The following YEATS2 variants were observed in gnomAD, a reference collection of about 807,000 sequenced individuals.
YEATS2 encodes the protein YEATS domain-containing protein 2.
A neutral mutation model predicts 163.2 loss-of-function variants in YEATS2; 77 were observed. The ratio of observed to expected loss-of-function variants is 0.47; its 90% CI spans 0.39 to 0.57. The LOEUF is 0.57. YEATS2 is among the 20% of genes least tolerant of loss of function. The pLI, the probability that YEATS2 is intolerant of heterozygous loss-of-function variation, is 0.00. For missense variants in YEATS2, 1,549 were observed against 1,729.8 expected, an observed-to-expected ratio of 0.90 and a Z score of 1.85; for synonymous variants, 631 against 645.1, an observed-to-expected ratio of 0.98 and a Z score of 0.33.
intron 15 of YEATS2, among the ~76,000 whole-genome samples, chr3:183,765,302 G>C (rs1053553449): frequency 5.3e-5 from 8 of 152,292 alleles, no homozygotes; most frequent in African/African-American, 1.4e-4. Context: ...GTTTATGTTA[G>C]AAGCTCTTGG....
chr3:183,716,361 C>CA (rs1360062883), intron 2 of YEATS2, among the ~76,000 whole-genome samples: 1 of 152,150 alleles, frequency 6.6e-6, no homozygotes, highest in African/African-American at 2.4e-5. Context: ...AAGAAGGCGT[C>CA]AGTCATAGCT....
At chr3:183,806,512 C>T in intron 27 of YEATS2, 2 of 435,352 alleles carry the variant, frequency 4.6e-6, no homozygotes, top group Non-Finnish European at 9.0e-6. Flanking sequence ...TTATTTTCTT[C>T]ACTCTGCATT....
At chr3:183,710,696 G>T (rs1715106652) in intron 1 of YEATS2, among the ~76,000 whole-genome samples, 2 of 148,412 alleles carry the variant, frequency 1.3e-5, no homozygotes, top group South Asian at 2.2e-4. Context: ...CAAAGAGAGG[G>T]TTTTTTTTTT....
intron 1 of YEATS2, among the ~76,000 whole-genome samples, chr3:183,699,541 C>T (rs1204110612): frequency 6.6e-6 from 1 of 150,428 alleles, no homozygotes; most frequent in African/African-American, 2.5e-5. Context: ...GGAAGGACCC[C>T]GTCTCTTAAA....
At chr3:183,774,137 C>A (rs1013745597) in intron 17 of YEATS2, among the ~76,000 whole-genome samples, 8 of 152,126 alleles carry the variant, frequency 5.3e-5, no homozygotes, top group Admixed American at 2.6e-4. Context: ...AGCTGGAAGT[C>A]TGTTTTTGGG....
At chr3:183,803,739 G>A (rs1725909171) in intron 26 of YEATS2, 1 of 530,428 alleles carries the variant, frequency 1.9e-6, no homozygotes, top group Admixed American at 3.4e-5. Flanking sequence ...GGAGGGGAGT[G>A]GGAGAGCGCA....
At chr3:183,799,763 C>T (rs959154527) in intron 23 of YEATS2, among the ~76,000 whole-genome samples, 10 of 151,136 alleles carry the variant, frequency 6.6e-5, no homozygotes, top group East Asian at 3.9e-4. Flanking sequence ...GATATTGAAA[C>T]GGTCCCAGTA....
At chr3:183,749,904 AC>A (rs1303662041) in intron 9 of YEATS2, among the ~76,000 whole-genome samples, 2 of 150,112 alleles carry the variant, frequency 1.3e-5, no homozygotes, top group Non-Finnish European at 3.0e-5. Flanking sequence ...TGCAAGCTCC[AC>A]CTCCCGGGTT....
chr3:183,798,610 C>G (rs559019600), intron 22 of YEATS2, among the ~76,000 whole-genome samples: 2 of 152,210 alleles, frequency 1.3e-5, no homozygotes, highest in African/African-American at 2.4e-5. Flanking sequence ...CGCCTCAGTC[C>G]CCCAAAGTGC....
chr3:183,749,044 GC>G (rs759868618), intron 9 of YEATS2, among the ~76,000 whole-genome samples: 63 of 152,000 alleles, frequency 4.1e-4, no homozygotes, highest in Non-Finnish European at 6.8e-4. Context: ...CCGGGTTCAC[GC>G]CATTCTCCTG....
Position 183,719,276 on chromosome 3 carries a change from C to T in YEATS2, c.291+684C>T, listed in dbSNP as rs9854613. On this transcript the variant is annotated intron_variant, in intron 4 of 30. Coordinates refer to ENST00000305135, the MANE Select transcript of YEATS2 (RefSeq NM_018023.5). Reference sequence around the variant, plus strand: ...TCAGCCTCCCAAGTAGCTGGGATTACAGGCATGCGCCACCATGCCTGGCTA... The same window carrying T: ...TCAGCCTCCCAAGTAGCTGGGATTATAGGCATGCGCCACCATGCCTGGCTA... 8.9e-3 allele frequency among the ~76,000 whole-genome samples: 1,352 copies of T among 151,758 alleles called. 18 individuals carry two copies. The highest frequency in any genetic ancestry group is 0.03 in the African/African-American group (1,226 of 41,398).
At chr3:183,711,461 ACT>A (rs527849328) in intron 1 of YEATS2, among the ~76,000 whole-genome samples, 3 of 135,300 alleles carry the variant, frequency 2.2e-5, no homozygotes, top group East Asian at 2.1e-4. Flanking sequence ...AGACAGCGAG[ACT>A]CTGTCTCAAA....
intron 21 of YEATS2, among the ~76,000 whole-genome samples, chr3:183,797,525 C>T (rs1054459766): frequency 2.8e-5 from 4 of 144,370 alleles, no homozygotes; most frequent in Non-Finnish European, 4.5e-5. Context: ...TCAACCTGGG[C>T]AACAGCCTGT....
intron 21 of YEATS2, among the ~76,000 whole-genome samples, chr3:183,792,221 G>A (rs976367318): frequency 6.6e-6 from 1 of 152,102 alleles, no homozygotes; most frequent in Admixed American, 6.6e-5. Context: ...GTGGTTTGCT[G>A]CACCTGTCAA....
chr3:183,773,319 A>G (rs935033499), intron 16 of YEATS2, among the ~76,000 whole-genome samples: 3 of 152,216 alleles, frequency 2.0e-5, no homozygotes, highest in Non-Finnish European at 4.4e-5. Context: ...GAGAGTAAAA[A>G]GAGTCATTAT....
chr3:183,751,914 T>C (rs1720204779), intron 9 of YEATS2, among the ~76,000 whole-genome samples, 159 bp from the exon 10 acceptor site: 1 of 152,250 alleles, frequency 6.6e-6, no homozygotes, highest in African/African-American at 2.4e-5. Context: ...TTAGATTACC[T>C]TCTAGAATAA....
intron 27 of YEATS2, among the ~76,000 whole-genome samples, chr3:183,804,849 G>A (rs937018453): frequency 3.9e-5 from 6 of 152,132 alleles, no homozygotes; most frequent in East Asian, 1.9e-4. Context: ...TTAGCTGGGC[G>A]TGGTGGCCGC....
In YEATS2 at chr3:183,754,153, G is replaced by A. The variant is rs370049766; in HGVS notation, c.1178G>A (p.Arg393Gln). ...TTCCCAGCTAGCACTGAAGCTGAAC[G>A]ACACACTCCGTTTTATGCTTTGCCA... is the stretch of plus-strand genomic sequence containing the variant. ...KGFPASTEAERHTPFYALPSS... is the reference protein window; with the variant it reads ...KGFPASTEAEQHTPFYALPSS... The change falls in exon 11 of 31, where the codon CGA becomes CAA. Residue 393 changes from arginine to glutamine, a missense_variant. Physicochemically the swap from Arg to Gln is conservative, Grantham distance 43 (BLOSUM62 1). Coordinates refer to ENST00000305135, the MANE Select transcript of YEATS2 (RefSeq NM_018023.5). The A allele has an allele frequency of 3.8e-6, 6 of 1,596,214 alleles. No homozygotes were observed. The highest frequency in any genetic ancestry group is 1.7e-4 in the Middle Eastern group (1 of 6,002).
intron 1 of YEATS2, among the ~76,000 whole-genome samples, chr3:183,701,231 C>T (rs1714057968): frequency 6.6e-6 from 1 of 151,722 alleles, no homozygotes; most frequent in South Asian, 2.1e-4. Flanking sequence ...CAGGCACCCA[C>T]CACCTCGCCT....
Sources: allele counts gnomAD v4.1 joint callset (sites outside exome capture counted in the v4.1 genomes callset), GRCh38; gene constraint gnomAD v4.1.1; transcripts MANE v1.5; gene names NCBI Gene and HGNC (gene_info 2026-07-23, HGNC 2026-07-21).